GGACT: variants seen among roughly 807,000 people sequenced by gnomAD.
GGACT encodes the protein gamma-glutamylaminecyclotransferase.
For synonymous variants in GGACT, 118 were observed against 115.3 expected, an observed-to-expected ratio of 1.02 and a Z score of -0.15; for missense variants, 241 against 233.2, an observed-to-expected ratio of 1.03 and a Z score of -0.22.
chr13:100,538,111 T>C (rs996927075), intron 2 of GGACT: 6 of 152,154 alleles, frequency 3.9e-5, no homozygotes, highest in Non-Finnish European at 5.9e-5. Context: ...CTCTGTAAAG[T>C]AGGTGGTATT....
intron 1 of GGACT, among the ~76,000 whole-genome samples, chr13:100,585,481 G>A (rs1289839024): frequency 6.6e-6 from 1 of 152,174 alleles, no homozygotes; most frequent in East Asian, 1.9e-4. Flanking sequence ...ATTGAAAGGG[G>A]CAACAGCTGA....
Position 100,531,427 on chromosome 13 carries a change from G to A in GGACT, c.*703C>T, listed in dbSNP as rs1003663111. On this transcript the variant is annotated 3_prime_UTR_variant, in exon 3 of 3. Coordinates refer to ENST00000683975, the MANE Select transcript of GGACT (RefSeq NM_001195087.2). ...TCAGATAAACTTCCACTTGAAGTCC[G>A]GGCGCTCAGCTGTGTCTACCAGCAA... 2 of 152,176 alleles carry A rather than the reference G, an allele frequency of 1.3e-5. No homozygotes were observed. Among genetic ancestry groups the A allele is most frequent in the Admixed American group, 6.5e-5 (1 of 15,282 alleles). 9.4% of individuals were successfully genotyped at this position (152,176 alleles called of 1,614,324 possible).
chr13:100,540,270 G>A lies in GGACT; in HGVS notation c.-10-7669C>T, dbSNP rs1007999708. The stretch of plus-strand genomic sequence containing the variant: ...TCATCTTGGAGGCACGGACCGGAGA[G>A]AGAGTGGGCTTTTCTTTTGGGGGAG... On this transcript the variant is annotated intron_variant, in intron 2 of 2. Coordinates refer to ENST00000683975, the MANE Select transcript of GGACT (RefSeq NM_001195087.2). 3.5e-4 allele frequency: 406 copies of A among 1,171,578 alleles called. 1 individual carries two copies. Among genetic ancestry groups the A allele is most frequent in the Middle Eastern group, 2.0e-4 (1 of 5,116 alleles). 72.6% of individuals were successfully genotyped at this position (1,171,578 alleles called of 1,614,324 possible). A position where few individuals can be genotyped will look rare whatever the true frequency, so the allele number is the denominator to read the frequency against.
At chr13:100,553,059 C>A (rs1176632835) in intron 2 of GGACT, among the ~76,000 whole-genome samples, 1 of 152,140 alleles carries the variant, frequency 6.6e-6, no homozygotes, top group African/African-American at 2.4e-5. Flanking sequence ...TGCCAGCAGG[C>A]AGGGCGAGGC....
intron 2 of GGACT, among the ~76,000 whole-genome samples, chr13:100,533,076 C>T (rs1416367222): frequency 1.3e-5 from 2 of 152,216 alleles, no homozygotes; most frequent in African/African-American, 4.8e-5. Context: ...GCACAGGCCA[C>T]CCTTCTCTGA....
At chr13:100,555,080 T>C (rs2088699488) in intron 2 of GGACT, among the ~76,000 whole-genome samples, 1 of 152,242 alleles carries the variant, frequency 6.6e-6, no homozygotes, top group African/African-American at 2.4e-5. Context: ...GCTTCATTGG[T>C]GAAATCTATT....
Position 100,534,314 on chromosome 13 carries a change from C to T in GGACT, c.-10-1713G>A, listed in dbSNP as rs1202772281. The stretch of plus-strand genomic sequence containing the variant: ...CCCTGTGGGCCTGGCCATGTGATAG[C>T]CCTGGGACACCCTTCCCAGTGTGGG... On this transcript the variant is annotated intron_variant, in intron 2 of 2. Coordinates refer to ENST00000683975, the MANE Select transcript of GGACT (RefSeq NM_001195087.2). The surrounding 1 kb of genome is among the most constrained non-coding windows in gnomAD (Gnocchi z 4.9). Among the ~76,000 whole-genome samples, 2 of 152,210 alleles carry T rather than the reference C, an allele frequency of 1.3e-5. No homozygotes were observed. The highest frequency in any genetic ancestry group is 3.9e-4 in the East Asian group (2 of 5,190).
rs993779806 is a variant in GGACT at position 100,534,499 on chromosome 13, G to C, written c.-10-1898C>G. Among the ~76,000 whole-genome samples, 6 of 152,236 alleles carry C rather than the reference G, an allele frequency of 3.9e-5. No homozygotes were observed. In the East Asian group the frequency reaches 1.2e-3, roughly 29 times the overall value. Reference sequence around the variant, plus strand: ...GGGGTGTACGTGAAAATGACAAAAGGCACCAGCTGAGAGCAGCGCTGGTGT... The same window carrying C: ...GGGGTGTACGTGAAAATGACAAAAGCCACCAGCTGAGAGCAGCGCTGGTGT... On this transcript the variant is annotated intron_variant, in intron 2 of 2. Coordinates refer to ENST00000683975, the MANE Select transcript of GGACT (RefSeq NM_001195087.2). The surrounding 1 kb of genome is among the most constrained non-coding windows in gnomAD (Gnocchi z 4.9).
rs1023738372 is a variant in GGACT at position 100,531,026 on chromosome 13, G to A, written c.*1104C>T. On this transcript the variant is annotated 3_prime_UTR_variant, in exon 3 of 3. Coordinates refer to ENST00000683975, the MANE Select transcript of GGACT (RefSeq NM_001195087.2). ...CATGTTTTTGTGCCAGATGCAGTTA[G>A]CGATCACAGTCTGCCATTAAGTTGA... The A allele has an allele frequency of 6.6e-6, 1 of 152,254 alleles. No homozygotes were observed. Among genetic ancestry groups the A allele is most frequent in the African/African-American group, 2.4e-5 (1 of 41,454 alleles). 9.4% of individuals were successfully genotyped at this position (152,254 alleles called of 1,614,324 possible).
Position 100,531,760 on chromosome 13 carries a change from A to G in GGACT, c.*370T>C, listed in dbSNP as rs189732909. The G allele has an allele frequency of 4.2e-5, 8 of 190,272 alleles. No individual in the cohort carries two copies. In the East Asian group the frequency reaches 8.7e-4, roughly 21 times the overall value. 11.8% of individuals were successfully genotyped at this position (190,272 alleles called of 1,614,324 possible). A position where few individuals can be genotyped will look rare whatever the true frequency, so the allele number is the denominator to read the frequency against. On this transcript the variant is annotated 3_prime_UTR_variant, in exon 3 of 3. Coordinates refer to ENST00000683975, the MANE Select transcript of GGACT (RefSeq NM_001195087.2). ...CCAGAATCAGTATAGTAGGGCTGCT[A>G]AAATCTAGCGGCAACACCAAGTCTT...
In GGACT at chr13:100,530,186, T is replaced by C. The variant is rs759978270; in HGVS notation, c.*1944A>G. ...GAATGAAGGATTTATAACCTTTCAG[T>C]CATCACCCAATTTAATTAGCCATTT... On this transcript the variant is annotated 3_prime_UTR_variant, in exon 3 of 3. Coordinates refer to ENST00000683975, the MANE Select transcript of GGACT (RefSeq NM_001195087.2). The C allele has an allele frequency of 6.3e-7, 1 of 1,591,838 alleles. No homozygotes were observed.
At chr13:100,575,779 A>G (rs9557454) in intron 2 of GGACT, among the ~76,000 whole-genome samples, 3,126 of 152,224 alleles carry the variant, frequency 0.021, 89 homozygotes, top group East Asian at 0.15. Flanking sequence ...ACAAACAAAC[A>G]CTACAATGGT....
chr13:100,563,614 G>C (rs2088784664), intron 2 of GGACT, among the ~76,000 whole-genome samples: 2 of 152,174 alleles, frequency 1.3e-5, no homozygotes, highest in Admixed American at 1.3e-4. Context: ...CTAGGAGTTT[G>C]AGTCCAGCCT....
At chr13:100,557,961 A>G (rs2088723591) in intron 2 of GGACT, among the ~76,000 whole-genome samples, 1 of 152,118 alleles carries the variant, frequency 6.6e-6, no homozygotes, top group East Asian at 1.9e-4. Flanking sequence ...AGGCGGGCGG[A>G]TCACCTGTCG....
rs1594176723 is a variant in GGACT at position 100,530,517 on chromosome 13, T to C, written c.*1613A>G. ...CCAGTAGACTACCAGCATTTCTTTG[T>C]GATCCTTTTAAGAGATTGATATAAA... On this transcript the variant is annotated 3_prime_UTR_variant, in exon 3 of 3. Transcript: ENST00000683975. 2.5e-6 allele frequency: 1 copy of C among 395,938 alleles called. No individual in the cohort carries two copies. The highest frequency in any genetic ancestry group is 5.9e-5 in the East Asian group (1 of 17,086). The allele number at this position is 395,938 out of a possible 1,614,324, so 24.5% of individuals were successfully genotyped here. A position where few individuals can be genotyped will look rare whatever the true frequency, so the allele number is the denominator to read the frequency against.
chr13:100,532,616 G>A lies in GGACT; in HGVS notation c.-10-15C>T, dbSNP rs141151608. 4.4e-3 allele frequency: 6,669 copies of A among 1,513,566 alleles called. 31 individuals are homozygous for A. Among genetic ancestry groups the A allele is most frequent in the Middle Eastern group, 7.7e-3 (42 of 5,488 alleles). The allele number at this position is 1,513,566 out of a possible 1,614,324, so 93.8% of individuals were successfully genotyped here. Reference sequence around the variant, plus strand: ...TCCGGGCAGAGCTGCAGGGAGAGGGGAAGTCACAGGTCAGCCCGCAGTGGG... The same window carrying A: ...TCCGGGCAGAGCTGCAGGGAGAGGGAAAGTCACAGGTCAGCCCGCAGTGGG... On this transcript the variant is annotated splice_polypyrimidine_tract_variant and intron_variant, in intron 2 of 2. Coordinates refer to ENST00000683975, the MANE Select transcript of GGACT (RefSeq NM_001195087.2).
chr13:100,543,196 G>GTTTTTTTT (rs1566530390), intron 2 of GGACT, among the ~76,000 whole-genome samples: 2 of 63,666 alleles, frequency 3.1e-5, no homozygotes, highest in Non-Finnish European at 6.0e-5. Flanking sequence ...AAAGACACCA[G>GTTTTTTTT]CTTTTTTTTT....
chr13:100,585,873 A>G (rs940459751), intron 1 of GGACT, among the ~76,000 whole-genome samples: 3 of 142,846 alleles, frequency 2.1e-5, no homozygotes, highest in Non-Finnish European at 4.6e-5. Flanking sequence ...GCATTGTGGC[A>G]CATGCCTGTA....
At chr13:100,582,926 T>C (rs764131462) in intron 2 of GGACT, among the ~76,000 whole-genome samples, 2 of 152,182 alleles carry the variant, frequency 1.3e-5, no homozygotes, top group Non-Finnish European at 2.9e-5. Context: ...GTGTTCAGAA[T>C]AGCTTAATAA....
Sources: allele counts gnomAD v4.1 joint callset (sites outside exome capture counted in the v4.1 genomes callset), GRCh38; gene constraint gnomAD v4.1.1; non-coding constraint Gnocchi (gnomAD v3.1); transcripts MANE v1.5; gene names NCBI Gene and HGNC (gene_info 2026-07-23, HGNC 2026-07-21).